CADM2: variants seen among roughly 807,000 people sequenced by gnomAD.
The protein encoded by CADM2 is immunoglobulin superfamily member 4D.
In CADM2, 12 loss-of-function variants were observed where a neutral mutation model predicts 49.8. The observed-to-expected ratio is 0.24, with a 90% CI of 0.15 to 0.39. The LOEUF (loss-of-function observed/expected upper bound fraction) is 0.39, where lower values mean the gene tolerates loss of function less well. Among genes scored for constraint, CADM2 ranks in the 10% least tolerant of loss-of-function variants. The pLI is 1.00. For synonymous variants in CADM2, 214 were observed against 175.4 expected, an observed-to-expected ratio of 1.22 and a Z score of -1.74; for missense variants, 378 against 492.3, an observed-to-expected ratio of 0.77 and a Z score of 2.20.
chr3:85,309,574 AT>A (rs1402933035), intron 1 of CADM2, among the ~76,000 whole-genome samples: 2 of 152,118 alleles, frequency 1.3e-5, no homozygotes, highest in African/African-American at 4.8e-5. Context: ...ATTAGCTATT[AT>A]TTTTTCATTG....
intron 1 of CADM2, among the ~76,000 whole-genome samples, chr3:85,051,479 T>A (rs1254172872): frequency 6.6e-6 from 1 of 152,142 alleles, no homozygotes; most frequent in African/African-American, 2.4e-5. Context: ...TCAAAGCTAC[T>A]CCCAAAGTAT....
At chr3:85,569,116 T>G (rs2062402158) in intron 1 of CADM2, among the ~76,000 whole-genome samples, 1 of 152,152 alleles carries the variant, frequency 6.6e-6, no homozygotes, top group Non-Finnish European at 1.5e-5. Context: ...AGTGATGCAT[T>G]TTTATAGGCA....
At chr3:85,911,215 T>A (rs1045350023) in intron 5 of CADM2, among the ~76,000 whole-genome samples, 6 of 152,210 alleles carry the variant, frequency 3.9e-5, no homozygotes, top group African/African-American at 1.4e-4. Context: ...CTTGTTATAA[T>A]GATAACTTAA....
At chr3:85,750,234 G>T (rs2068807175) in intron 2 of CADM2, among the ~76,000 whole-genome samples, 1 of 151,960 alleles carries the variant, frequency 6.6e-6, no homozygotes, top group African/African-American at 2.4e-5. Context: ...CATCTTTTGA[G>T]ATGTGTTTTC....
chr3:85,699,146 C>T (rs1045099623), intron 1 of CADM2, among the ~76,000 whole-genome samples: 1 of 152,198 alleles, frequency 6.6e-6, no homozygotes, highest in Admixed American at 6.5e-5. Flanking sequence ...TGTCCCACAT[C>T]CATGACACGC....
chr3:85,580,424 C>T (rs1287644898), intron 1 of CADM2, among the ~76,000 whole-genome samples: 4 of 151,882 alleles, frequency 2.6e-5, no homozygotes, highest in African/African-American at 7.3e-5. Flanking sequence ...AAAATTATCC[C>T]CTAAAGACAT....
At chr3:85,815,656 G>C (rs961906965) in intron 3 of CADM2, among the ~76,000 whole-genome samples, 1 of 152,150 alleles carries the variant, frequency 6.6e-6, no homozygotes, top group Non-Finnish European at 1.5e-5. Flanking sequence ...ATGGGCAGAA[G>C]CTGGAAGCAT....
intron 1 of CADM2, among the ~76,000 whole-genome samples, chr3:85,704,944 C>T (rs750003480): frequency 8.0e-5 from 12 of 150,706 alleles, no homozygotes; most frequent in South Asian, 2.1e-4. Flanking sequence ...CTGCAAGCTC[C>T]GCCTCCCGGG....
At chr3:85,932,323 C>T (rs1011495630) in intron 6 of CADM2, among the ~76,000 whole-genome samples, 1 of 152,066 alleles carries the variant, frequency 6.6e-6, no homozygotes, top group Non-Finnish European at 1.5e-5. Context: ...ATTTTGAATA[C>T]GTCAAATGTG....
At chr3:85,656,662 T>A (rs1174007432) in intron 1 of CADM2, among the ~76,000 whole-genome samples, 4 of 152,036 alleles carry the variant, frequency 2.6e-5, no homozygotes, top group Non-Finnish European at 5.9e-5. Flanking sequence ...GTAAATAAAT[T>A]TAAGAAAAAA....
At chr3:85,648,884 A>C (rs1459715268) in intron 1 of CADM2, among the ~76,000 whole-genome samples, 1 of 152,048 alleles carries the variant, frequency 6.6e-6, no homozygotes, top group African/African-American at 2.4e-5. Context: ...TTACTCATAA[A>C]TTCAGATTCA....
Position 85,540,140 on chromosome 3 carries a change from A to G in CADM2, c.62-186382A>G, listed in dbSNP as rs1038920488. 2.6e-5 allele frequency among the ~76,000 whole-genome samples: 4 copies of G among 152,108 alleles called. No homozygotes were observed. The South Asian group carries it at 8.3e-4, about 32-fold the overall frequency. ...ATATTATCATGTTATTCATGTTATC[A>G]TAAAAGCCAAATGAAATCTTGTAGG... On this transcript the variant is annotated intron_variant, in intron 1 of 9. Transcript: ENST00000383699.
At chr3:85,604,875 A>G (rs578094373) in intron 1 of CADM2, among the ~76,000 whole-genome samples, 14 of 152,116 alleles carry the variant, frequency 9.2e-5, no homozygotes, top group African/African-American at 3.4e-4. Context: ...CTTTACGCTT[A>G]TATCATCATA....
intron 1 of CADM2, among the ~76,000 whole-genome samples, chr3:85,679,230 G>A (rs1015268873): frequency 1.4e-4 from 22 of 152,044 alleles, no homozygotes; most frequent in African/African-American, 4.6e-4. Flanking sequence ...AAGACTCTTC[G>A]AGAAAGCTTT....
intron 1 of CADM2, among the ~76,000 whole-genome samples, chr3:85,679,719 T>C (rs1384296937): frequency 6.6e-6 from 1 of 152,222 alleles, no homozygotes; most frequent in Non-Finnish European, 1.5e-5. Flanking sequence ...TCACCGTGTC[T>C]GCAGGCTGCC....
At chr3:85,571,513 TA>T (rs1025826080) in intron 1 of CADM2, among the ~76,000 whole-genome samples, 35 of 152,192 alleles carry the variant, frequency 2.3e-4, no homozygotes, top group African/African-American at 7.2e-4. Flanking sequence ...AATTATTGGA[TA>T]AAAAAAGAAG....
intron 1 of CADM2, among the ~76,000 whole-genome samples, chr3:85,608,430 T>C (rs1289670436): frequency 6.6e-6 from 1 of 152,152 alleles, no homozygotes. Flanking sequence ...CTTATTTTTG[T>C]TTACATTCTA....
chr3:85,187,269 G>T (rs531956730), intron 1 of CADM2, among the ~76,000 whole-genome samples: 2 of 151,964 alleles, frequency 1.3e-5, no homozygotes, highest in Admixed American at 6.6e-5. Context: ...TATTCTTTTG[G>T]CCTCTGACAT....
intron 1 of CADM2, among the ~76,000 whole-genome samples, chr3:85,414,397 T>C (rs1167577316): frequency 1.3e-5 from 2 of 152,182 alleles, no homozygotes; most frequent in African/African-American, 2.4e-5. Flanking sequence ...AAACATGTAG[T>C]GTGTCCTTTA....
Sources: allele counts gnomAD v4.1 joint callset (sites outside exome capture counted in the v4.1 genomes callset), GRCh38; gene constraint gnomAD v4.1.1; transcripts MANE v1.5; gene names NCBI Gene and HGNC (gene_info 2026-07-23, HGNC 2026-07-21).